JAZF1: variants seen among roughly 807,000 people sequenced by gnomAD.
The protein encoded by JAZF1 is JAZF zinc finger 1.
JAZF1 carries 8 observed loss-of-function variants against 26.4 expected under a neutral mutation model. That is an observed-to-expected ratio of 0.30 (90% CI 0.18 to 0.55). The LOEUF is 0.55. Ranked by LOEUF, JAZF1 falls within the 20% of genes least tolerant of loss-of-function variation. JAZF1 has a pLI of 0.94. For missense variants in JAZF1, 199 were observed against 322.0 expected (o/e 0.62, Z 2.92); for synonymous variants, 126 against 122.3 (o/e 1.03, Z -0.20).
At chr7:28,130,687 TA>T (rs1266383082) in intron 1 of JAZF1, among the ~76,000 whole-genome samples, 1 of 152,214 alleles carries the variant, frequency 6.6e-6, no homozygotes, top group Admixed American at 6.5e-5. Flanking sequence ...CCACATGGGA[TA>T]AAACATGAAG....
rs913037151 is a variant in JAZF1 at position 27,896,597 on chromosome 7, A to G, written c.189-1181T>C. On this transcript the variant is annotated intron_variant, in intron 2 of 4. Transcript: ENST00000283928. ...TTAAACATGGTATTTCACCTAACCT[A>G]TTTCACATTTTGTCTACAAAATTCC... 2.0e-5 allele frequency among the ~76,000 whole-genome samples: 3 copies of G among 152,216 alleles called. No individual in the cohort carries two copies. In the East Asian group the frequency reaches 5.8e-4, roughly 29 times the overall value.
In JAZF1 at chr7:27,840,588, G is replaced by A; in HGVS notation, c.555+110C>T. The A allele has an allele frequency of 9.0e-7, 1 of 1,112,008 alleles. No individual in the cohort carries two copies. Among genetic ancestry groups the A allele is most frequent in the Non-Finnish European group, 1.3e-6 (1 of 754,766 alleles). The allele number at this position is 1,112,008 out of a possible 1,614,324, so 68.9% of individuals were successfully genotyped here. ...GCACTCTAATGCAGGAGAGGGGAGT[G>A]TCTCCCCCCAGCCCATACGCTCGCT... On this transcript the variant is annotated intron_variant, in intron 4 of 4. Coordinates refer to ENST00000283928, the MANE Select transcript of JAZF1 (RefSeq NM_175061.4). The surrounding 1 kb of genome is among the most constrained non-coding windows in gnomAD (Gnocchi z 5.1).
At chr7:27,972,751 G>A (rs751541924) in intron 2 of JAZF1, among the ~76,000 whole-genome samples, 3 of 151,962 alleles carry the variant, frequency 2.0e-5, no homozygotes, top group Admixed American at 6.6e-5. Flanking sequence ...AGTATTTTGC[G>A]TTGCTGTTAA....
At chr7:28,127,144 C>T (rs1006363835) in intron 1 of JAZF1, among the ~76,000 whole-genome samples, 2 of 152,128 alleles carry the variant, frequency 1.3e-5, no homozygotes, top group Non-Finnish European at 2.9e-5. Flanking sequence ...GCATACTAGG[C>T]GAAGGATCCT....
chr7:27,876,714 T>G (rs1783686475), intron 3 of JAZF1, among the ~76,000 whole-genome samples: 1 of 152,200 alleles, frequency 6.6e-6, no homozygotes, highest in Non-Finnish European at 1.5e-5. Context: ...GATAGCAGAC[T>G]AGGTATAAAA....
chr7:27,998,018 G>T (rs1158177519), intron 1 of JAZF1, among the ~76,000 whole-genome samples: 1 of 150,408 alleles, frequency 6.6e-6, no homozygotes, highest in Non-Finnish European at 1.5e-5. Flanking sequence ...AGAGAGGAAT[G>T]GGGGGAAGAA....
intron 3 of JAZF1, among the ~76,000 whole-genome samples, chr7:27,882,842 G>T (rs1389023075): frequency 2.0e-5 from 3 of 152,166 alleles, no homozygotes; most frequent in Admixed American, 6.5e-5. Context: ...AGGGACGGGG[G>T]TGTGGAGAAA....
At chr7:28,099,797 C>G (rs895540289) in intron 1 of JAZF1, among the ~76,000 whole-genome samples, 1 of 152,154 alleles carries the variant, frequency 6.6e-6, no homozygotes, top group Non-Finnish European at 1.5e-5. Flanking sequence ...TTTTTAAAAG[C>G]TAACCAGTGA....
intron 1 of JAZF1, among the ~76,000 whole-genome samples, chr7:28,083,461 C>G (rs192487470): frequency 6.6e-6 from 1 of 152,078 alleles, no homozygotes. Flanking sequence ...GTTTCCCATC[C>G]CAGCTCCACA....
At chr7:27,887,408 G>GTATTTATTTATT (rs113116861) in intron 3 of JAZF1, among the ~76,000 whole-genome samples, 4 of 151,666 alleles carry the variant, frequency 2.6e-5, no homozygotes, top group African/African-American at 9.7e-5. Context: ...CCACTGATTT[G>GTATTTATTTATT]TATTTATTTA....
At chr7:27,927,797 A>G (rs1351576758) in intron 2 of JAZF1, among the ~76,000 whole-genome samples, 4 of 152,340 alleles carry the variant, frequency 2.6e-5, no homozygotes, top group Admixed American at 2.0e-4. Context: ...AGGAGTTCTC[A>G]GCACCCTTTA....
intron 2 of JAZF1, among the ~76,000 whole-genome samples, chr7:27,941,130 T>C (rs552091949): frequency 1.3e-3 from 199 of 152,356 alleles, no homozygotes; most frequent in Non-Finnish European, 2.3e-3. Context: ...GGAGTTGTCA[T>C]TTTACTAATG....
intron 2 of JAZF1, among the ~76,000 whole-genome samples, chr7:27,975,926 C>A (rs1435834626): frequency 6.6e-6 from 1 of 152,204 alleles, no homozygotes; most frequent in Non-Finnish European, 1.5e-5. Context: ...CATCACCCAA[C>A]TGTGACAAGA....
intron 1 of JAZF1, among the ~76,000 whole-genome samples, chr7:28,149,709 A>G (rs568770385): frequency 3.5e-4 from 53 of 152,344 alleles, no homozygotes; most frequent in Middle Eastern, 3.4e-3. Flanking sequence ...AAGGTCACTT[A>G]TCTTTAAATG....
At chr7:28,033,511 C>T (rs527290688) in intron 1 of JAZF1, among the ~76,000 whole-genome samples, 7 of 152,250 alleles carry the variant, frequency 4.6e-5, no homozygotes, top group African/African-American at 1.7e-4. Context: ...AGAGAGAGGA[C>T]GTACCGCTAA....
chr7:27,897,545 ACTAT>A, intron 2 of JAZF1, among the ~76,000 whole-genome samples: 1 of 152,336 alleles, frequency 6.6e-6, no homozygotes, highest in South Asian at 2.1e-4. Context: ...ACTAGGCAAC[ACTAT>A]CTACGTAAGA....
chr7:27,880,581 C>T (rs1001369987), intron 3 of JAZF1, among the ~76,000 whole-genome samples: 1 of 151,818 alleles, frequency 6.6e-6, no homozygotes, highest in Admixed American at 6.6e-5. Context: ...TGCAGTGAGC[C>T]GAGATCATGC....
In JAZF1 at chr7:27,979,405, T is replaced by TTTTTTTTTC. The variant is rs1368873651; in HGVS notation, c.188+12503_188+12504insGAAAAAAAA. On this transcript the variant is annotated intron_variant, in intron 2 of 4. Transcript: ENST00000283928. ...TTTTTTTTTTTTTTTTTTTTTTTTT[T>TTTTTTTTTC]AGAAACAGAGTCTTGTTCTATCACC... Among the ~76,000 whole-genome samples, 32 of 84,244 alleles carry TTTTTTTTTC rather than the reference T, an allele frequency of 3.8e-4. 8 individuals are homozygous for TTTTTTTTTC. The East Asian group carries it at 6.2e-3, about 16-fold the overall frequency. 55.3% of individuals were successfully genotyped at this position (84,244 alleles called of 152,430 possible).
intron 1 of JAZF1, among the ~76,000 whole-genome samples, chr7:28,172,775 G>A (rs991464740): frequency 8.5e-5 from 13 of 152,116 alleles, no homozygotes; most frequent in Admixed American, 5.9e-4. Context: ...AAGCTGGCAC[G>A]GTGGGTGGCG....
Sources: allele counts gnomAD v4.1 joint callset (sites outside exome capture counted in the v4.1 genomes callset), GRCh38; gene constraint gnomAD v4.1.1; non-coding constraint Gnocchi (gnomAD v3.1); transcripts MANE v1.5; gene names NCBI Gene and HGNC (gene_info 2026-07-23, HGNC 2026-07-21).